MAP3K1: variants seen among roughly 807,000 people sequenced by gnomAD.
MAP3K1 encodes MAP/ERK kinase kinase 1.
A neutral mutation model predicts 144.2 loss-of-function variants in MAP3K1; 36 were observed. The observed-to-expected ratio is 0.25, with a 90% CI of 0.19 to 0.33. The LOEUF (loss-of-function observed/expected upper bound fraction) is 0.33, where lower values mean the gene tolerates loss of function less well. Among genes scored for constraint, MAP3K1 ranks in the 10% least tolerant of loss-of-function variants. The probability of loss-of-function intolerance (pLI) is 1.00; values close to 1 mark genes in which losing one functional copy is unlikely to be tolerated. For synonymous variants in MAP3K1, 718 were observed against 688.7 expected (o/e 1.04, Z -0.67); for missense variants, 1,650 against 1,881.9 (o/e 0.88, Z 2.28).
chr5:56,852,685 A>G (rs1254412133), intron 1 of MAP3K1, among the ~76,000 whole-genome samples: 1 of 152,216 alleles, frequency 6.6e-6, no homozygotes, highest in Non-Finnish European at 1.5e-5. Context: ...TCAAAAGTGT[A>G]TACACTATTA....
chr5:56,822,771 C>T lies in MAP3K1; in HGVS notation c.482+6716C>T, dbSNP rs114012934. Among the ~76,000 whole-genome samples, 265 of 152,122 alleles carry T rather than the reference C, an allele frequency of 1.7e-3. 2 individuals carry two copies. Among genetic ancestry groups the T allele is most frequent in the African/African-American group, 6.0e-3 (251 of 41,524 alleles). On this transcript the variant is annotated intron_variant, in intron 1 of 19. Transcript: ENST00000399503. ...CCTACACCTGGCTACATGACTTCTG[C>T]GCAGTCAGATGTCTAAAACCAAATT... is the stretch of plus-strand genomic sequence containing the variant.
At chr5:56,834,095 T>G (rs1746573324) in intron 1 of MAP3K1, among the ~76,000 whole-genome samples, 1 of 151,912 alleles carries the variant, frequency 6.6e-6, no homozygotes, top group Admixed American at 6.6e-5. Flanking sequence ...GATAAATATC[T>G]TTATCCTTAA....
intron 18 of MAP3K1, chr5:56,887,934 A>G (rs1748435090): frequency 3.8e-5 from 18 of 476,330 alleles, no homozygotes; most frequent in South Asian, 3.1e-4. Flanking sequence ...CGTGTTCATA[A>G]TTCTTCATGT....
At chr5:56,819,240 T>G (rs936075310) in intron 1 of MAP3K1, among the ~76,000 whole-genome samples, 1 of 152,192 alleles carries the variant, frequency 6.6e-6, no homozygotes, top group Non-Finnish European at 1.5e-5. Context: ...TTCCTTAATA[T>G]ACGATTTCCA....
rs569226859 is a variant in MAP3K1, at chr5:56,861,087, A to G, written c.834+1172A>G. ...AAGATCTGCGTAACTTAAGGAACCA[A>G]TATTTTCCACGTGATCAGTGTATGA... On this transcript the variant is annotated intron_variant, in intron 3 of 19. Transcript: ENST00000399503. 4.3e-4 allele frequency among the ~76,000 whole-genome samples: 65 copies of G among 152,314 alleles called. 1 individual carries two copies. Among genetic ancestry groups the G allele is most frequent in the Admixed American group, 7.8e-4 (12 of 15,294 alleles).
intron 6 of MAP3K1, among the ~76,000 whole-genome samples, chr5:56,870,214 C>T (rs1007455369): frequency 6.6e-6 from 1 of 152,136 alleles, no homozygotes; most frequent in Non-Finnish European, 1.5e-5. Flanking sequence ...TTGGGCCTAG[C>T]TTAGCAGACT....
chr5:56,876,721 A>T (rs1282897645), intron 10 of MAP3K1, among the ~76,000 whole-genome samples: 1 of 152,212 alleles, frequency 6.6e-6, no homozygotes, highest in East Asian at 1.9e-4. Context: ...TTTCTCACCC[A>T]TAAAATAATG....
chr5:56,887,354 G>A (rs748369576), intron 17 of MAP3K1, 24 bp from the exon 18 acceptor site: 2 of 1,613,618 alleles, frequency 1.2e-6, no homozygotes, highest in Non-Finnish European at 1.7e-6. Context: ...AACATACAAG[G>A]TCATTTGCTG....
chr5:56,856,562 T>G, intron 1 of MAP3K1, 38 bp from the exon 2 acceptor site: 4 of 1,548,502 alleles, frequency 2.6e-6, no homozygotes, highest in Non-Finnish European at 3.6e-6. Flanking sequence ...TTTTCATATA[T>G]ACATTTCTCA....
At chr5:56,844,425 C>T (rs1488191262) in intron 1 of MAP3K1, among the ~76,000 whole-genome samples, 4 of 151,868 alleles carry the variant, frequency 2.6e-5, no homozygotes, top group South Asian at 2.1e-4. Context: ...GTGATCCGCC[C>T]GCCTTGGCCT....
At chr5:56,864,042 T>A (rs1458458968) in intron 3 of MAP3K1, among the ~76,000 whole-genome samples, 1 of 152,194 alleles carries the variant, frequency 6.6e-6, no homozygotes, top group African/African-American at 2.4e-5. Context: ...CTTCAATAGA[T>A]CCCAGGAAGT....
rs768329767 is a variant in MAP3K1, at chr5:56,856,731, G to A, written c.614G>A (p.Arg205Lys). ...TGGAAGCACGAATGGTTGGAAAGGA[G>A]AAATAGGCGAGGGCCTGTGGTAAGT... ...PAWKHEWLER[R>K]NRRGPVVVKP... The change falls in exon 2 of 20, where the codon AGA (arginine) becomes AAA (lysine). Residue 205 changes from arginine to lysine, a missense_variant. Physicochemically the swap from Arg to Lys is conservative, Grantham distance 26. Transcript: ENST00000399503. The A allele has an allele frequency of 3.3e-5, 54 of 1,613,920 alleles. No homozygotes were observed. The East Asian group carries it at 1.2e-3, about 36-fold the overall frequency.
In MAP3K1 at chr5:56,894,506, C is replaced by T. The variant is rs1254408668; in HGVS notation, c.*826C>T. 1 of 232,280 alleles carries T rather than the reference C, an allele frequency of 4.3e-6. No homozygotes were observed. The highest frequency in any genetic ancestry group is 8.5e-6 in the Non-Finnish European group (1 of 117,656). 14.4% of individuals were successfully genotyped at this position (232,280 alleles called of 1,614,324 possible). A position where few individuals can be genotyped will look rare whatever the true frequency, so the allele number is the denominator to read the frequency against. ...TACTACCTACATTTGAGTCAGTCACCACTCTTATTGTGCAGGTTAAGTACA... is the reference window on the plus strand; with the variant it reads ...TACTACCTACATTTGAGTCAGTCACTACTCTTATTGTGCAGGTTAAGTACA... On this transcript the variant is annotated 3_prime_UTR_variant, in exon 20 of 20. Coordinates refer to ENST00000399503, the MANE Select transcript of MAP3K1 (RefSeq NM_005921.2).
Position 56,882,202 on chromosome 5 carries a change from T to G in MAP3K1, c.3002T>G (p.Val1001Gly). The G allele has an allele frequency of 6.2e-7, 1 of 1,614,098 alleles. No homozygotes were observed. Among genetic ancestry groups the G allele is most frequent in the Non-Finnish European group, 8.5e-7 (1 of 1,180,002 alleles). The change falls in exon 14 of 20, where the codon GTC (valine) becomes GGC (glycine). Residue 1001 changes from valine to glycine, a missense_variant. Val to Gly is a moderately radical substitution (Grantham distance 109). Transcript: ENST00000399503. ...GTACCAGCTGGCACTGCAACAGATG[T>G]CTCTAAGCATAGACTTCAGGGATTC... ...PSVPAGTATDVSKHRLQGFIP... is the reference protein window; with the variant it reads ...PSVPAGTATDGSKHRLQGFIP...
At position 56,881,819 on chromosome 5, in the gene MAP3K1, A is replaced by G; in HGVS notation, c.2619A>G (p.Val873=). 1 of 1,614,176 alleles carries G rather than the reference A, an allele frequency of 6.2e-7. No homozygotes were observed. The highest frequency in any genetic ancestry group is 8.5e-7 in the Non-Finnish European group (1 of 1,180,016). The part of the protein sequence containing the change: ...VEIAEAIQLG[V]EDTLDGQQDS... ...TTGCCGAAGCCATCCAGTTGGGCGTAGAAGACACTTTGGATGGTCAACAGG... is the reference window on the plus strand; with the variant it reads ...TTGCCGAAGCCATCCAGTTGGGCGTGGAAGACACTTTGGATGGTCAACAGG... Residue 873 remains valine (V), a synonymous_variant, in exon 14 of 20, where the codon GTA becomes GTG. Coordinates refer to ENST00000399503, the MANE Select transcript of MAP3K1 (RefSeq NM_005921.2).
chr5:56,877,520 AT>A (rs35084924), intron 10 of MAP3K1, among the ~76,000 whole-genome samples: 9,597 of 136,280 alleles, frequency 0.07, 302 homozygotes, highest in East Asian at 0.12. Flanking sequence ...TGCATATATA[AT>A]TTTTTTTTTT....
chr5:56,889,057 ATATG>A (rs1232204536), intron 19 of MAP3K1, among the ~76,000 whole-genome samples: 2 of 152,242 alleles, frequency 1.3e-5, no homozygotes, highest in South Asian at 2.1e-4. Context: ...GTTTATATGT[ATATG>A]TATGTGTGTA....
chr5:56,818,427 T>A (rs1746049844), intron 1 of MAP3K1, among the ~76,000 whole-genome samples: 1 of 152,162 alleles, frequency 6.6e-6, no homozygotes. Flanking sequence ...TTGAAATATT[T>A]GAGAGTTCTG....
At chr5:56,855,136 C>T (rs1561182014) in intron 1 of MAP3K1, among the ~76,000 whole-genome samples, 1 of 124,250 alleles carries the variant, frequency 8.0e-6, no homozygotes, top group Non-Finnish European at 1.8e-5. Flanking sequence ...TCTCCTCCTC[C>T]TTTCTTCTCT....
Sources: gnomAD v4.1 joint callset for allele counts (sites outside exome capture counted in the v4.1 genomes callset) on GRCh38, gnomAD v4.1.1 for gene constraint, MANE v1.5 for transcripts, NCBI Gene and HGNC (gene_info 2026-07-23, HGNC 2026-07-21) for gene names.